Variants in RMP64 observed in about 807,000 individuals in gnomAD.
RMP64 encodes the protein ribonuclease MRP subunit p64.
the RMP64 span, chr3:113,002,554 G>T: frequency 1.3e-5 from 2 of 152,244 alleles, no homozygotes; most frequent in Non-Finnish European, 2.9e-5. Context: ...GAGAAAAGGG[G>T]GTACATGAAG....
chr3:113,005,826 ACTG>A, the RMP64 span: 1 of 1,613,822 alleles, frequency 6.2e-7, no homozygotes, highest in East Asian at 2.2e-5. Context: ...CCTTGAGAGA[ACTG>A]CTGAATTTCC....
chr3:113,008,536 A>T, the RMP64 span: 8 of 960,738 alleles, frequency 8.3e-6, no homozygotes, highest in Non-Finnish European at 1.3e-5. Context: ...AATTAGAATT[A>T]TCAGTCCCTA....
At chr3:113,013,450 GGTTTTTTTTTT>G in the RMP64 span, 1,328 of 1,440,418 alleles carry the variant, frequency 9.2e-4, no homozygotes, top group African/African-American at 5.7e-3. Flanking sequence ...AAAAAAAAAG[GGTTTTTTTTTT>G]GTTTTTTTTT....
At chr3:113,007,242 AAT>A in the RMP64 span, among the ~76,000 whole-genome samples, 2 of 152,226 alleles carry the variant, frequency 1.3e-5, no homozygotes, top group Non-Finnish European at 2.9e-5. Context: ...ATCCCTCAGG[AAT>A]ATTCAACCAC....
At chr3:113,019,241 C>T in the RMP64 span, 6 of 435,562 alleles carry the variant, frequency 1.4e-5, no homozygotes, top group African/African-American at 8.4e-5. Flanking sequence ...AGCACTGTTC[C>T]CCGGCACCAG....
the RMP64 span, chr3:113,003,813 A>G: frequency 2.6e-5 from 4 of 152,242 alleles, no homozygotes; most frequent in Non-Finnish European, 5.9e-5. Flanking sequence ...TGACTAGCTC[A>G]GTGAAGCCAC....
chr3:113,008,545 T>C, the RMP64 span: 1 of 885,580 alleles, frequency 1.1e-6, no homozygotes, highest in Non-Finnish European at 1.7e-6. Flanking sequence ...TATCAGTCCC[T>C]AAATGCTTGA....
the RMP64 span, among the ~76,000 whole-genome samples, chr3:113,007,204 C>T: frequency 4.6e-5 from 7 of 152,162 alleles, no homozygotes; most frequent in Non-Finnish European, 7.3e-5. Flanking sequence ...GAGGAGCCAT[C>T]TCAATGTAAA....
the RMP64 span, chr3:113,002,732 G>A: frequency 3.8e-5 from 6 of 157,624 alleles, no homozygotes; most frequent in African/African-American, 1.4e-4. Context: ...CTGGTTATCA[G>A]AAGTCAACAT....
chr3:113,003,914 T>A, the RMP64 span: 19 of 152,212 alleles, frequency 1.2e-4, 1 homozygote, highest in Non-Finnish European at 1.5e-5. Context: ...AAGAGGCTAC[T>A]TAGGGGACTG....
chr3:113,012,976 TA>T, the RMP64 span: 1 of 621,474 alleles, frequency 1.6e-6, no homozygotes, highest in South Asian at 2.0e-5. Flanking sequence ...AATATGGTTA[TA>T]AACACTCTGC....
chr3:113,008,326 T>A, the RMP64 span: 1 of 1,614,150 alleles, frequency 6.2e-7, no homozygotes, highest in Admixed American at 1.7e-5. Context: ...CCTCTCGGAA[T>A]CTTTGCACAA....
chr3:113,017,886 T>C, the RMP64 span, among the ~76,000 whole-genome samples: 1 of 152,210 alleles, frequency 6.6e-6, no homozygotes, highest in Non-Finnish European at 1.5e-5. Context: ...TTCATATGAA[T>C]ACTTTGCTGT....
chr3:113,013,024 A>T, the RMP64 span: 1 of 614,328 alleles, frequency 1.6e-6, no homozygotes, highest in Non-Finnish European at 2.9e-6. Context: ...CTTAAAGTTT[A>T]GTTTCTAAGA....
chr3:113,019,647 T>C, the RMP64 span: 5 of 1,612,030 alleles, frequency 3.1e-6, no homozygotes, highest in South Asian at 1.1e-5. Context: ...GCAGCCATCA[T>C]GCGAGGCGGG....
At chr3:113,008,941 C>T in the RMP64 span, 2 of 152,992 alleles carry the variant, frequency 1.3e-5, no homozygotes, top group Non-Finnish European at 2.9e-5. Context: ...CTGAAAGGCC[C>T]CTCTTCGCTA....
the RMP64 span, chr3:113,005,954 A>G: frequency 6.2e-7 from 1 of 1,613,820 alleles, no homozygotes; most frequent in South Asian, 1.1e-5. Flanking sequence ...TGAGCCACGA[A>G]GAAGGTGGTT....
the RMP64 span, chr3:113,011,018 A>G: frequency 3.6e-5 from 56 of 1,549,722 alleles, no homozygotes; most frequent in Non-Finnish European, 4.8e-5. Context: ...GTTTTACTAG[A>G]GTATGTGCTG....
chr3:113,005,321 C>T, the RMP64 span: 1 of 551,774 alleles, frequency 1.8e-6, no homozygotes, highest in Non-Finnish European at 3.3e-6. Context: ...ATATTAACAC[C>T]TGACATGTAG....
Sources: allele counts gnomAD v4.1 joint callset (sites outside exome capture counted in the v4.1 genomes callset), GRCh38; gene constraint gnomAD v4.1.1; transcripts MANE v1.5; gene names NCBI Gene and HGNC (gene_info 2026-07-23, HGNC 2026-07-21).